Variants in UNC13C observed in about 807,000 individuals in gnomAD.
The protein encoded by UNC13C is protein unc-13 homolog C.
In UNC13C, 174 loss-of-function variants were observed where a neutral mutation model predicts 245.4. That is an observed-to-expected ratio of 0.71 (90% CI 0.63 to 0.80). The LOEUF (loss-of-function observed/expected upper bound fraction) is 0.80. UNC13C is among the 30% of genes least tolerant of loss of function. The probability of loss-of-function intolerance (pLI) is 0.00; values close to 1 mark genes in which losing one functional copy is unlikely to be tolerated. For synonymous variants in UNC13C, 992 were observed against 895.1 expected (o/e 1.11, Z -1.93); for missense variants, 2,829 against 2,602.9 (o/e 1.09, Z -1.89).
rs771738582 is a variant in UNC13C, at chr15:54,564,968, C to T, written c.5959-2832C>T. Among the ~76,000 whole-genome samples the T allele has an allele frequency of 2.0e-4, 31 of 151,778 alleles. 1 individual carries two copies. The highest frequency in any genetic ancestry group is 9.9e-4 in the Admixed American group (15 of 15,182). ...CACTTTAGTTCTCCTTAGATAGTGC[C>T]GAGACTCCCAGGGTTTGTCTTGGTT... On this transcript the variant is annotated intron_variant, in intron 29 of 32. Coordinates refer to ENST00000260323, the MANE Select transcript of UNC13C (RefSeq NM_001080534.3).
the UNC13C span, among the ~76,000 whole-genome samples, chr15:53,847,659 C>A: frequency 6.6e-6 from 1 of 151,900 alleles, no homozygotes; most frequent in African/African-American, 2.4e-5. Flanking sequence ...AGCCACTGTG[C>A]CCAGCCTCAT....
intron 4 of UNC13C, among the ~76,000 whole-genome samples, chr15:54,175,495 T>C (rs935461019): frequency 3.3e-5 from 5 of 150,194 alleles, no homozygotes; most frequent in Non-Finnish European, 7.4e-5. Context: ...AACACTGTTG[T>C]TGTGGCCCTA....
At chr15:54,245,246 A>G (rs1317484464) in intron 7 of UNC13C, among the ~76,000 whole-genome samples, 1 of 152,208 alleles carries the variant, frequency 6.6e-6, no homozygotes, top group Non-Finnish European at 1.5e-5. Context: ...GAACATTTAT[A>G]GTGCATAAAA....
intron 4 of UNC13C, among the ~76,000 whole-genome samples, chr15:54,166,656 A>C (rs1347644657): frequency 1.3e-5 from 2 of 152,190 alleles, no homozygotes; most frequent in Non-Finnish European, 2.9e-5. Context: ...GATGTTAGTA[A>C]AATAGGTTTC....
the UNC13C span, among the ~76,000 whole-genome samples, chr15:53,884,546 A>G: frequency 3.9e-5 from 6 of 152,088 alleles, 1 homozygote; most frequent in Middle Eastern, 6.3e-3. Flanking sequence ...CATTGCCCAG[A>G]CTAGTCTCAA....
chr15:54,276,614 A>G (rs2036839674), intron 10 of UNC13C, among the ~76,000 whole-genome samples: 1 of 152,130 alleles, frequency 6.6e-6, no homozygotes, highest in Non-Finnish European at 1.5e-5. Context: ...TAGATAGTAT[A>G]GCCAGAACCC....
downstream of UNC13C, chr15:54,631,378 C>G (rs1901454145): frequency 6.6e-6 from 1 of 152,138 alleles, no homozygotes; most frequent in South Asian, 2.1e-4. Context: ...TTTGCATATA[C>G]TAAAATTCTC....
At chr15:54,400,195 C>T (rs57770294) in intron 18 of UNC13C, among the ~76,000 whole-genome samples, 24 of 152,048 alleles carry the variant, frequency 1.6e-4, no homozygotes, top group Admixed American at 8.5e-4. Flanking sequence ...ATAACATTAA[C>T]GGTAAGGCCC....
intron 8 of UNC13C, among the ~76,000 whole-genome samples, chr15:54,254,716 T>G (rs1043828699): frequency 1.3e-5 from 2 of 152,214 alleles, no homozygotes; most frequent in African/African-American, 4.8e-5. Flanking sequence ...AGAACTCAGG[T>G]CTCTGAACTC....
At chr15:54,046,125 G>A (rs1897025558) in intron 2 of UNC13C, among the ~76,000 whole-genome samples, 2 of 151,966 alleles carry the variant, frequency 1.3e-5, no homozygotes, top group South Asian at 2.1e-4. Flanking sequence ...TGTCTTTATT[G>A]CTACATAATA....
At chr15:54,101,613 C>T (rs576479122) in intron 2 of UNC13C, among the ~76,000 whole-genome samples, 5 of 151,994 alleles carry the variant, frequency 3.3e-5, no homozygotes, top group African/African-American at 9.6e-5. Flanking sequence ...AGGAATCTTG[C>T]TCCATTGCCC....
chr15:54,513,879 C>T (rs1195355539), intron 24 of UNC13C, among the ~76,000 whole-genome samples: 1 of 151,982 alleles, frequency 6.6e-6, no homozygotes, highest in Non-Finnish European at 1.5e-5. Context: ...TTTTTCTCCT[C>T]TCTATGCATA....
At chr15:54,491,857 G>A (rs903623498) in intron 19 of UNC13C, among the ~76,000 whole-genome samples, 3 of 152,004 alleles carry the variant, frequency 2.0e-5, no homozygotes, top group Non-Finnish European at 4.4e-5. Flanking sequence ...GGGCGTGGTA[G>A]CGGGCGCCTG....
chr15:54,146,015 G>A (rs971912394), intron 4 of UNC13C, among the ~76,000 whole-genome samples: 2 of 152,110 alleles, frequency 1.3e-5, no homozygotes, highest in Non-Finnish European at 2.9e-5. Flanking sequence ...TGGGAAGGGG[G>A]TGATAATTTT....
chr15:54,329,649 A>C (rs1448444355), intron 14 of UNC13C, among the ~76,000 whole-genome samples: 2 of 152,080 alleles, frequency 1.3e-5, no homozygotes, highest in African/African-American at 4.8e-5. Flanking sequence ...ATAAAATTAA[A>C]GTTCAAGCTG....
the UNC13C span, among the ~76,000 whole-genome samples, chr15:53,930,934 A>C: frequency 6.6e-6 from 1 of 152,200 alleles, no homozygotes; most frequent in Non-Finnish European, 1.5e-5. Context: ...ACCTCTGCAG[A>C]GAACACTTAG....
intron 4 of UNC13C, among the ~76,000 whole-genome samples, chr15:54,171,063 A>G (rs79340163): frequency 0.012 from 1,805 of 152,244 alleles, 49 homozygotes; most frequent in African/African-American, 0.042. Context: ...AGTTTTGTCA[A>G]ATGTACACAT....
intron 8 of UNC13C, among the ~76,000 whole-genome samples, chr15:54,251,817 A>T (rs1314938538): frequency 2.6e-5 from 4 of 152,152 alleles, no homozygotes; most frequent in South Asian, 2.1e-4. Context: ...TTAAATTAGA[A>T]ATGCTGTCAC....
chr15:54,334,776 G>A (rs150196255), intron 16 of UNC13C, among the ~76,000 whole-genome samples: 73 of 152,200 alleles, frequency 4.8e-4, no homozygotes, highest in African/African-American at 1.7e-3. Context: ...TAATGATGGC[G>A]AGACCCAATC....
Sources: allele counts gnomAD v4.1 joint callset (sites outside exome capture counted in the v4.1 genomes callset), GRCh38; gene constraint gnomAD v4.1.1; transcripts MANE v1.5; gene names NCBI Gene and HGNC (gene_info 2026-07-23, HGNC 2026-07-21).